Variants in TYW1B observed in about 807,000 individuals in gnomAD.
TYW1B encodes the protein S-adenosyl-L-methionine-dependent tRNA 4-demethylwyosine synthase TYW1B.
A neutral mutation model predicts 86.9 loss-of-function variants in TYW1B; 73 were observed. The observed-to-expected ratio is 0.84, with a 90% confidence interval of 0.70 to 1.02. The LOEUF (loss-of-function observed/expected upper bound fraction) is 1.02, where lower values mean the gene tolerates loss of function less well. Among genes scored for constraint, TYW1B ranks in the 50% least tolerant of loss-of-function variants. The probability of loss-of-function intolerance (pLI) is 0.00; values close to 1 mark genes in which losing one functional copy is unlikely to be tolerated. For synonymous variants in TYW1B, 248 were observed against 292.8 expected, an observed-to-expected ratio of 0.85 and a Z score of 1.56; for missense variants, 637 against 827.4, an observed-to-expected ratio of 0.77 and a Z score of 2.82.
At chr7:72,677,984 G>A (rs146950027) in intron 11 of TYW1B, among the ~76,000 whole-genome samples, 1 of 152,140 alleles carries the variant, frequency 6.6e-6, no homozygotes, top group Non-Finnish European at 1.5e-5. Context: ...TTACAGGCGT[G>A]AGCCACCGCA....
chr7:72,632,029 G>T (rs1246223830), intron 11 of TYW1B, among the ~76,000 whole-genome samples: 3 of 151,688 alleles, frequency 2.0e-5, no homozygotes, highest in African/African-American at 7.3e-5. Flanking sequence ...GGGTGCACTG[G>T]CTCACGCCTG....
intron 9 of TYW1B, among the ~76,000 whole-genome samples, chr7:72,715,883 G>A (rs1353581037): frequency 6.6e-6 from 1 of 152,096 alleles, no homozygotes; most frequent in African/African-American, 2.4e-5. Context: ...GGGGAGAAGC[G>A]TGTTCATGTG....
At chr7:72,716,583 G>A (rs1786787734) in intron 9 of TYW1B, among the ~76,000 whole-genome samples, 1 of 152,174 alleles carries the variant, frequency 6.6e-6, no homozygotes, top group Non-Finnish European at 1.5e-5. Context: ...ATGTGTGAGG[G>A]GCTGGCAAAG....
intron 6 of TYW1B, among the ~76,000 whole-genome samples, chr7:72,790,149 A>G (rs1788196204): frequency 1.3e-5 from 2 of 151,052 alleles, no homozygotes; most frequent in Non-Finnish European, 2.9e-5. Context: ...ACGGGGTTTC[A>G]CCATGGTGGT....
intron 11 of TYW1B, among the ~76,000 whole-genome samples, chr7:72,657,510 C>T (rs1464958928): frequency 6.6e-6 from 1 of 152,090 alleles, no homozygotes; most frequent in African/African-American, 2.4e-5. Context: ...AAGATCCCCA[C>T]ATATATTCAA....
chr7:72,698,366 C>T (rs1326182995), intron 10 of TYW1B, among the ~76,000 whole-genome samples: 5 of 152,122 alleles, frequency 3.3e-5, no homozygotes, highest in African/African-American at 9.7e-5. Context: ...AGCATCAGGC[C>T]GGGCACAGTG....
chr7:72,657,100 G>C (rs1813222242), intron 11 of TYW1B, among the ~76,000 whole-genome samples: 3 of 152,236 alleles, frequency 2.0e-5, no homozygotes, highest in Non-Finnish European at 2.9e-5. Context: ...TAATGATCTT[G>C]GGGAAACTCA....
intron 8 of TYW1B, among the ~76,000 whole-genome samples, chr7:72,733,945 GCATCA>G (rs1787156638): frequency 6.6e-6 from 1 of 151,994 alleles, no homozygotes; most frequent in Non-Finnish European, 1.5e-5. Flanking sequence ...ACAGCTCAAG[GCATCA>G]CAGTACATGA....
intron 8 of TYW1B, among the ~76,000 whole-genome samples, chr7:72,741,817 A>G (rs377547007): frequency 6.6e-5 from 10 of 152,348 alleles, no homozygotes; most frequent in African/African-American, 2.4e-4. Flanking sequence ...CATGGAGGCC[A>G]GAAGGCAGTG....
At chr7:72,631,801 A>AGGG (rs1413225140) in intron 11 of TYW1B, among the ~76,000 whole-genome samples, 2 of 152,118 alleles carry the variant, frequency 1.3e-5, no homozygotes, top group Admixed American at 6.6e-5. Flanking sequence ...ATGTGCACAC[A>AGGG]GGGGCCAGAA....
intron 11 of TYW1B, among the ~76,000 whole-genome samples, chr7:72,630,348 C>T (rs1351931840): frequency 6.6e-6 from 1 of 151,918 alleles, no homozygotes; most frequent in Non-Finnish European, 1.5e-5. Context: ...AGGTGCAGGA[C>T]CTGTGACTTG....
chr7:72,756,067 G>A (rs190543423), intron 7 of TYW1B, among the ~76,000 whole-genome samples: 28 of 152,264 alleles, frequency 1.8e-4, no homozygotes, highest in African/African-American at 6.5e-4. Flanking sequence ...TAGAAATGGA[G>A]AGTGAAACAT....
chr7:72,782,830 T>C (rs1788071224), intron 6 of TYW1B, among the ~76,000 whole-genome samples: 3 of 152,054 alleles, frequency 2.0e-5, no homozygotes, highest in African/African-American at 7.2e-5. Flanking sequence ...TGAGCCGACA[T>C]GGTGCCACTG....
At chr7:72,599,924 A>T (rs1161384433) in intron 13 of TYW1B, among the ~76,000 whole-genome samples, 1 of 152,172 alleles carries the variant, frequency 6.6e-6, no homozygotes, top group Non-Finnish European at 1.5e-5. Flanking sequence ...GGATTAGAAG[A>T]CTCAATACAG....
At chr7:72,729,330 G>C (rs1305835317) in intron 8 of TYW1B, among the ~76,000 whole-genome samples, 1 of 152,100 alleles carries the variant, frequency 6.6e-6, no homozygotes, top group Non-Finnish European at 1.5e-5. Context: ...AAATCACACT[G>C]ACAGGGCCTG....
chr7:72,652,902 G>A (rs1813099480), intron 11 of TYW1B, among the ~76,000 whole-genome samples: 1 of 152,172 alleles, frequency 6.6e-6, no homozygotes. Flanking sequence ...CAGAATTTAA[G>A]TAAATGATCC....
At chr7:72,682,414 A>G (rs1309658747) in intron 11 of TYW1B, among the ~76,000 whole-genome samples, 1 of 152,328 alleles carries the variant, frequency 6.6e-6, no homozygotes, top group African/African-American at 2.4e-5. Flanking sequence ...TGAGATTTAA[A>G]CAACTGGGCT....
At chr7:72,753,480 A>T (rs1787534811) in intron 7 of TYW1B, among the ~76,000 whole-genome samples, 2 of 138,596 alleles carry the variant, frequency 1.4e-5, no homozygotes, top group Admixed American at 1.5e-4. Flanking sequence ...ATCATTAGCA[A>T]TTTTTTTTTT....
intron 8 of TYW1B, among the ~76,000 whole-genome samples, chr7:72,730,914 A>C (rs1309615898): frequency 5.3e-5 from 7 of 131,846 alleles, no homozygotes; most frequent in Admixed American, 8.2e-5. Context: ...AAAAATTCCT[A>C]AAATGGATTA....
Sources: gnomAD v4.1 joint callset for allele counts (sites outside exome capture counted in the v4.1 genomes callset) on GRCh38, gnomAD v4.1.1 for gene constraint, MANE v1.5 for transcripts, NCBI Gene and HGNC (gene_info 2026-07-23, HGNC 2026-07-21) for gene names.